The following EEF1AKMT1 variants were observed in gnomAD, a reference collection of about 807,000 sequenced individuals.
EEF1AKMT1 encodes N-6 adenine-specific DNA methyltransferase 2 (putative).
Under a neutral mutation model 21.0 loss-of-function variants are expected in EEF1AKMT1, and 18 were observed. The observed-to-expected ratio is 0.86, with a 90% CI of 0.59 to 1.27. The LOEUF (loss-of-function observed/expected upper bound fraction) is 1.27. Among genes scored for constraint, EEF1AKMT1 ranks in the 50% most tolerant of loss-of-function variants. The pLI, the probability that EEF1AKMT1 is intolerant of heterozygous loss-of-function variation, is 0.00. For synonymous variants in EEF1AKMT1, 109 were observed against 94.8 expected (o/e 1.15, Z -0.87); for missense variants, 246 against 258.6 (o/e 0.95, Z 0.33).
At position 20,750,998 on chromosome 13, in the gene EEF1AKMT1, A is replaced by G. The variant is rs997985824; in HGVS notation, c.144+6457T>C. 2.0e-5 allele frequency among the ~76,000 whole-genome samples: 3 copies of G among 152,222 alleles called. No homozygotes were observed. In the South Asian group the frequency reaches 6.2e-4, roughly 32 times the overall value. On this transcript the variant is annotated intron_variant, in intron 2 of 4. Transcript: ENST00000382758. ...GTATGTCTTCTTTTGAGAAATGTCTATTCAGGTCCTTTGCCCATTTTAATG... is the reference window on the plus strand; with the variant it reads ...GTATGTCTTCTTTTGAGAAATGTCTGTTCAGGTCCTTTGCCCATTTTAATG...
chr13:20,755,203 G>A (rs61955737), intron 2 of EEF1AKMT1, among the ~76,000 whole-genome samples: 1 of 152,214 alleles, frequency 6.6e-6, no homozygotes, highest in Non-Finnish European at 1.5e-5. Context: ...TCACACTTCA[G>A]CCCTGGTGGC....
chr13:20,768,539 G>A (rs1265165593), intron 1 of EEF1AKMT1, among the ~76,000 whole-genome samples: 2 of 152,084 alleles, frequency 1.3e-5, no homozygotes, highest in Non-Finnish European at 2.9e-5. Flanking sequence ...CAGATACCTG[G>A]AGTTCTTTCT....
intron 1 of EEF1AKMT1, among the ~76,000 whole-genome samples, chr13:20,765,080 C>T (rs1595030770): frequency 6.6e-6 from 1 of 151,698 alleles, no homozygotes; most frequent in Non-Finnish European, 1.5e-5. Context: ...GTCAACATAA[C>T]GAAACCCCGT....
At chr13:20,754,457 T>A (rs970464149) in intron 2 of EEF1AKMT1, among the ~76,000 whole-genome samples, 2 of 152,186 alleles carry the variant, frequency 1.3e-5, no homozygotes, top group Non-Finnish European at 2.9e-5. Context: ...TAATGTGGCA[T>A]GAAGAATGCT....
chr13:20,750,743 G>A (rs1320943987), intron 2 of EEF1AKMT1, among the ~76,000 whole-genome samples: 1 of 152,088 alleles, frequency 6.6e-6, no homozygotes, highest in Non-Finnish European at 1.5e-5. Flanking sequence ...TCTGGTTTTA[G>A]TTTTTTGAGA....
chr13:20,732,225 C>T, intron 3 of EEF1AKMT1, 104 bp from the exon 4 acceptor site: 4 of 1,295,394 alleles, frequency 3.1e-6, no homozygotes, highest in Non-Finnish European at 4.2e-6. Context: ...CTCAGAGTTT[C>T]TTACAGGAAA....
intron 1 of EEF1AKMT1, among the ~76,000 whole-genome samples, chr13:20,767,736 T>G (rs544180100): frequency 4.5e-4 from 68 of 152,320 alleles, no homozygotes; most frequent in African/African-American, 1.3e-3. Context: ...CAAGTAATCT[T>G]CTGCTGCCCT....
intron 2 of EEF1AKMT1, among the ~76,000 whole-genome samples, chr13:20,742,961 G>A (rs892781707): frequency 2.6e-5 from 4 of 151,910 alleles, no homozygotes; most frequent in East Asian, 1.9e-4. Flanking sequence ...TTATCAATAC[G>A]TTTATTTTGT....
intron 2 of EEF1AKMT1, among the ~76,000 whole-genome samples, chr13:20,739,091 G>A (rs142234469): frequency 2.6e-5 from 4 of 152,092 alleles, no homozygotes; most frequent in Non-Finnish European, 4.4e-5. Flanking sequence ...CTTCAGGAGT[G>A]AAGCTGCAGA....
At position 20,731,951 on chromosome 13, in the gene EEF1AKMT1, T is replaced by A. The variant is rs746041478; in HGVS notation, c.398A>T (p.His133Leu). 6.2e-7 allele frequency: 1 copy of A among 1,614,256 alleles called. No homozygotes were observed. The highest frequency in any genetic ancestry group is 8.5e-7 in the Non-Finnish European group (1 of 1,180,046). ...ATCTGCTATTACGATGTCAAAACTA[T>A]GTGCAGCAATTCTTTCGGGTAAGTC... ...PLDLPERIAA[H>L]SFDIVIADPP... Residue 133 changes from histidine (H) to leucine (L), a missense_variant, in exon 4 of 5, where the codon CAT becomes CTT. His to Leu is a moderately conservative substitution (Grantham distance 99). Transcript: ENST00000382758.
intron 2 of EEF1AKMT1, among the ~76,000 whole-genome samples, chr13:20,738,690 G>A (rs922629580): frequency 6.6e-6 from 1 of 152,256 alleles, no homozygotes; most frequent in Non-Finnish European, 1.5e-5. Flanking sequence ...ACATGGATGA[G>A]TCTTGGAAAC....
At position 20,739,326 on chromosome 13, in the gene EEF1AKMT1, G is replaced by A. The variant is rs528636543; in HGVS notation, c.145-1521C>T. On this transcript the variant is annotated intron_variant, in intron 2 of 4. Coordinates refer to ENST00000382758, the MANE Select transcript of EEF1AKMT1 (RefSeq NM_001318939.2). Reference sequence around the variant, plus strand: ...GGAGCAAAAGAACAAACCTTCCACAGCATGGAAGGCAACCCAAGAGGGTTG... The same window carrying A: ...GGAGCAAAAGAACAAACCTTCCACAACATGGAAGGCAACCCAAGAGGGTTG... 8.1e-4 allele frequency among the ~76,000 whole-genome samples: 123 copies of A among 152,296 alleles called. 1 individual carries two copies. Among genetic ancestry groups the A allele is most frequent in the African/African-American group, 2.9e-3 (119 of 41,566 alleles).
intron 2 of EEF1AKMT1, among the ~76,000 whole-genome samples, chr13:20,738,890 A>G (rs1406688664): frequency 6.7e-6 from 1 of 150,248 alleles, no homozygotes; most frequent in East Asian, 1.9e-4. Context: ...AAAATGTTCT[A>G]AAATTGACTG....
intron 2 of EEF1AKMT1, among the ~76,000 whole-genome samples, chr13:20,757,015 T>C (rs2058975397): frequency 6.6e-6 from 1 of 152,126 alleles, no homozygotes; most frequent in Admixed American, 6.5e-5. Context: ...ATGTCCCTCA[T>C]ATCCTCATTC....
At chr13:20,751,309 T>C (rs1185829513) in intron 2 of EEF1AKMT1, among the ~76,000 whole-genome samples, 3 of 152,244 alleles carry the variant, frequency 2.0e-5, no homozygotes, top group African/African-American at 7.2e-5. Context: ...TTTCAGGATA[T>C]ATGCTTACGT....
chr13:20,755,661 G>A (rs1595025436), intron 2 of EEF1AKMT1, among the ~76,000 whole-genome samples: 1 of 152,190 alleles, frequency 6.6e-6, no homozygotes, highest in South Asian at 2.1e-4. Context: ...TTTGAAGTGA[G>A]ATTATTGGCT....
chr13:20,757,694 A>G, intron 1 of EEF1AKMT1, 77 bp from the exon 2 acceptor site: 1 of 1,185,832 alleles, frequency 8.4e-7, no homozygotes, highest in South Asian at 1.7e-5. Context: ...AAAAATTTTT[A>G]TTTAACAGCA....
intron 3 of EEF1AKMT1, among the ~76,000 whole-genome samples, chr13:20,732,448 T>A (rs2058803216): frequency 6.6e-6 from 1 of 152,154 alleles, no homozygotes. Context: ...TCTCCTGCTA[T>A]TCCTCCCAAG....
chr13:20,760,192 T>C (rs2058993996), intron 1 of EEF1AKMT1, among the ~76,000 whole-genome samples: 1 of 150,736 alleles, frequency 6.6e-6, no homozygotes, highest in African/African-American at 2.4e-5. Flanking sequence ...CGGGTATGAA[T>C]GTAAGTTAGC....
Sources: gnomAD v4.1 joint callset for allele counts (sites outside exome capture counted in the v4.1 genomes callset) on GRCh38, gnomAD v4.1.1 for gene constraint, MANE v1.5 for transcripts, NCBI Gene and HGNC (gene_info 2026-07-23, HGNC 2026-07-21) for gene names.